The following ESCO2 variants were observed in gnomAD, a reference collection of about 807,000 sequenced individuals.
ESCO2 encodes N-acetyltransferase ESCO2.
Under a neutral mutation model 61.7 loss-of-function variants are expected in ESCO2, and 51 were observed. The observed-to-expected ratio is 0.83, with a 90% CI of 0.66 to 1.04. The LOEUF is 1.04. Ranked by LOEUF, ESCO2 falls within the 50% of genes least tolerant of loss-of-function variation. The probability of loss-of-function intolerance (pLI) is 0.00; values close to 1 mark genes in which losing one functional copy is unlikely to be tolerated. For synonymous variants in ESCO2, 230 were observed against 238.2 expected, an observed-to-expected ratio of 0.97 and a Z score of 0.32; for missense variants, 692 against 686.2, an observed-to-expected ratio of 1.01 and a Z score of -0.09.
downstream of ESCO2, chr8:27,810,294 T>C: frequency 6.3e-7 from 1 of 1,584,974 alleles, no homozygotes; most frequent in South Asian, 1.1e-5. Flanking sequence ...ACACTTCAGC[T>C]GAGATGATCA....
At chr8:27,781,586 A>C (rs1045919235) in intron 4 of ESCO2, among the ~76,000 whole-genome samples, 1 of 137,252 alleles carries the variant, frequency 7.3e-6, no homozygotes, top group Admixed American at 7.6e-5. Flanking sequence ...TTTGAGATGG[A>C]GTTTCACTGT....
downstream of ESCO2, among the ~76,000 whole-genome samples, chr8:27,812,905 AGT>A (rs1217784795): frequency 2.6e-5 from 4 of 152,222 alleles, no homozygotes; most frequent in Non-Finnish European, 4.4e-5. Context: ...TGTGGAAGAC[AGT>A]GTGGCAATCC....
At position 27,780,264 on chromosome 8, in the gene ESCO2, A is replaced by G. The variant is rs1316056734; in HGVS notation, c.952A>G (p.Thr318Ala). ...SSEDSLGENK[T>A]ISPKSTVYPI... ...AGAGGATTCTCTTGGTGAGAATAAG[A>G]CAAGTAAGAGAAAACTCGCATGAAT... The change falls in exon 4 of 11, where the codon ACA (threonine) becomes GCA (alanine). Residue 318 changes from threonine to alanine, a missense_variant. Transcript: ENST00000305188. The G allele has an allele frequency of 6.3e-7, 1 of 1,589,454 alleles. No individual in the cohort carries two copies. Among genetic ancestry groups the G allele is most frequent in the South Asian group, 1.1e-5 (1 of 90,444 alleles).
At chr8:27,801,310 G>A (rs1353252764) in intron 10 of ESCO2, among the ~76,000 whole-genome samples, 2 of 151,826 alleles carry the variant, frequency 1.3e-5, no homozygotes, top group Non-Finnish European at 2.9e-5. Flanking sequence ...AAACCAGTAA[G>A]CACACTTTAA....
At chr8:27,807,345 AGTCTTTCT>A (rs1805582675), downstream of ESCO2, among the ~76,000 whole-genome samples, 1 of 152,156 alleles carries the variant, frequency 6.6e-6, no homozygotes. Context: ...TTTTATAAAA[AGTCTTTCT>A]TCTATCTTTG....
downstream of ESCO2, chr8:27,810,973 C>T: frequency 6.3e-7 from 1 of 1,595,490 alleles, no homozygotes; most frequent in East Asian, 2.2e-5. Flanking sequence ...TCATCATCAT[C>T]ATTTGAAAGA....
chr8:27,793,439 G>A (rs1805223126), intron 9 of ESCO2, among the ~76,000 whole-genome samples: 2 of 150,026 alleles, frequency 1.3e-5, no homozygotes, highest in Admixed American at 1.3e-4. Flanking sequence ...ATTGTGATGA[G>A]AACATTAAAT....
intron 4 of ESCO2, among the ~76,000 whole-genome samples, chr8:27,782,234 C>A (rs1804941186): frequency 6.6e-6 from 1 of 152,132 alleles, no homozygotes; most frequent in Non-Finnish European, 1.5e-5. Context: ...ATTGTTAATT[C>A]ATACCCCTGT....
At chr8:27,789,082 GA>G (rs1370833294) in intron 7 of ESCO2, 104 bp downstream of exon 7, 26 of 1,422,184 alleles carry the variant, frequency 1.8e-5, no homozygotes, top group Non-Finnish European at 1.9e-5. Flanking sequence ...AACTTTTAAT[GA>G]TGATGTTTCA....
chr8:27,778,508 TTTATAC>T (rs1219746587), intron 3 of ESCO2: 2 of 152,240 alleles, frequency 1.3e-5, no homozygotes, highest in South Asian at 2.1e-4. Flanking sequence ...TAAACTGTGC[TTTATAC>T]TTATACATTT....
intron 10 of ESCO2, among the ~76,000 whole-genome samples, chr8:27,801,139 T>A (rs1371679149): frequency 6.6e-6 from 1 of 152,208 alleles, no homozygotes; most frequent in Admixed American, 6.5e-5. Context: ...TTAATTCCCA[T>A]GTACACACTT....
upstream of ESCO2, chr8:27,772,691 G>A (rs1270563940): frequency 4.4e-6 from 3 of 686,272 alleles, no homozygotes; most frequent in Admixed American, 3.0e-5. Context: ...GCCGGCCGTG[G>A]GCGCCATTTT....
chr8:27,788,877 G>A lies in ESCO2; in HGVS notation c.1162G>A (p.Val388Met), dbSNP rs373061021. Residue 388 changes from valine to methionine, a missense_variant, in exon 7 of 11, where the codon GTG becomes ATG. Val to Met is a conservative substitution (Grantham distance 21, BLOSUM62 1). Coordinates refer to ENST00000305188, the MANE Select transcript of ESCO2 (RefSeq NM_001017420.3). ...DAGQKHFGAT[V>M]CKSCGMIYTA... Reference sequence around the variant, plus strand: ...TGGTCAGAAACATTTTGGGGCTACTGTGTGCAAGTCTTGTGGTATGATATA... The same window carrying A: ...TGGTCAGAAACATTTTGGGGCTACTATGTGCAAGTCTTGTGGTATGATATA... The A allele has an allele frequency of 6.2e-7, 1 of 1,614,088 alleles. No individual in the cohort carries two copies. Among genetic ancestry groups the A allele is most frequent in the Non-Finnish European group, 8.5e-7 (1 of 1,180,008 alleles).
downstream of ESCO2, among the ~76,000 whole-genome samples, chr8:27,807,641 T>C (rs903124742): frequency 6.6e-6 from 1 of 152,216 alleles, no homozygotes; most frequent in African/African-American, 2.4e-5. Context: ...TTTATCAATT[T>C]TGTTAGTATT....
At chr8:27,797,451 A>G (rs1253200880) in intron 9 of ESCO2, among the ~76,000 whole-genome samples, 1 of 151,992 alleles carries the variant, frequency 6.6e-6, no homozygotes, top group Non-Finnish European at 1.5e-5. Flanking sequence ...CTTCACTTTC[A>G]GTCTATGTGA....
chr8:27,798,185 C>T (rs552538527), intron 9 of ESCO2, among the ~76,000 whole-genome samples: 5 of 152,242 alleles, frequency 3.3e-5, no homozygotes, highest in African/African-American at 9.6e-5. Flanking sequence ...ATAGGCCAGG[C>T]GCAGTGGCTC....
At chr8:27,799,240 T>A (rs1004639785) in intron 9 of ESCO2, among the ~76,000 whole-genome samples, 2 of 152,120 alleles carry the variant, frequency 1.3e-5, no homozygotes, top group Non-Finnish European at 2.9e-5. Context: ...CATTTTAGGA[T>A]GGAGAGAATG....
chr8:27,804,868 T>C lies in ESCO2; in HGVS notation c.*1430T>C, dbSNP rs1227329402. ...TAACATTTTGTTTGCTTAATGCTTT[T>C]GTTATGAATCAATTAAAATTCTTTA... On this transcript the variant is annotated 3_prime_UTR_variant, in exon 11 of 11. Coordinates refer to ENST00000305188, the MANE Select transcript of ESCO2 (RefSeq NM_001017420.3). The C allele has an allele frequency of 1.6e-6, 1 of 621,766 alleles. No homozygotes were observed. 38.5% of individuals were successfully genotyped at this position (621,766 alleles called of 1,614,324 possible).
In ESCO2 at chr8:27,804,719, C is replaced by T. The variant is rs1055278310; in HGVS notation, c.*1281C>T. ...ATTTGCCTGTAAGTTAACATGTTTC[C>T]AAAATTTAAAAGCCTGGGTCCCCAA... On this transcript the variant is annotated 3_prime_UTR_variant, in exon 11 of 11. Transcript: ENST00000305188. The T allele has an allele frequency of 1.5e-5, 15 of 985,014 alleles. No homozygotes were observed. Among genetic ancestry groups the T allele is most frequent in the Non-Finnish European group, 1.8e-5 (15 of 829,708 alleles). The allele number at this position is 985,014 out of a possible 1,614,324, so 61.0% of individuals were successfully genotyped here. A position where few individuals can be genotyped will look rare whatever the true frequency, so the allele number is the denominator to read the frequency against.
Sources: allele counts gnomAD v4.1 joint callset (sites outside exome capture counted in the v4.1 genomes callset), GRCh38; gene constraint gnomAD v4.1.1; transcripts MANE v1.5; gene names NCBI Gene and HGNC (gene_info 2026-07-23, HGNC 2026-07-21).